Variants in ERBB3 observed in about 807,000 individuals in gnomAD.
ERBB3 encodes the protein receptor tyrosine-protein kinase erbB-3.
In ERBB3, 96 loss-of-function variants were observed where a neutral mutation model predicts 156.7. That is an observed-to-expected ratio of 0.61 (90% CI 0.52 to 0.73). The LOEUF (loss-of-function observed/expected upper bound fraction) is 0.73, where lower values mean the gene tolerates loss of function less well. Among genes scored for constraint, ERBB3 ranks in the 30% least tolerant of loss-of-function variants. The probability of loss-of-function intolerance (pLI) is 0.00; values close to 1 mark genes in which losing one functional copy is unlikely to be tolerated. For synonymous variants in ERBB3, 567 were observed against 632.0 expected (o/e 0.90, Z 1.54); for missense variants, 1,406 against 1,709.4 (o/e 0.82, Z 3.13).
At chr12:56,100,799 A>G (rs985732234) in intron 26 of ERBB3, among the ~76,000 whole-genome samples, 15 of 151,168 alleles carry the variant, frequency 9.9e-5, no homozygotes, top group Non-Finnish European at 2.2e-4. Context: ...AACTAGCTGC[A>G]CATGATGGCA....
At chr12:56,097,731 C>T (rs1370330400) in intron 20 of ERBB3, 54 bp from the exon 21 acceptor site, 13 of 1,561,094 alleles carry the variant, frequency 8.3e-6, no homozygotes, top group Non-Finnish European at 1.1e-5. Flanking sequence ...AATTCCAGAT[C>T]TCAGTGACTG....
chr12:56,083,947 TC>T, intron 2 of ERBB3, 45 bp downstream of exon 2: 1 of 1,589,150 alleles, frequency 6.3e-7, no homozygotes, highest in Non-Finnish European at 8.6e-7. Context: ...CTCTTTATTC[TC>T]CCCTAGAACC....
chr12:56,101,144 G>A lies in ERBB3; in HGVS notation c.3285G>A (p.Glu1095=). The A allele has an allele frequency of 6.2e-7, 1 of 1,613,964 alleles. No individual in the cohort carries two copies. The highest frequency in any genetic ancestry group is 1.1e-5 in the South Asian group (1 of 91,082). Residue 1095 remains glutamate, a synonymous_variant, in exon 27 of 28, where the codon GAG becomes GAA. Transcript: ENST00000267101. ...TGCCACGGGGATGCCTGGCATCAGA[G>A]TCATCAGAGGGGCATGTAACAGGCT... ...HPMPRGCLAS[E]SSEGHVTGSE...
At chr12:56,084,032 A>G in intron 2 of ERBB3, 130 bp downstream of exon 2, 1 of 935,050 alleles carries the variant, frequency 1.1e-6, no homozygotes, top group Non-Finnish European at 1.7e-6. Flanking sequence ...AAGATTCAAA[A>G]CCGTGTATTT....
chr12:56,092,687 T>G (rs1868752928), intron 9 of ERBB3, 60 bp from the exon 10 acceptor site: 1 of 1,139,414 alleles, frequency 8.8e-7, no homozygotes, highest in African/African-American at 1.5e-5. Flanking sequence ...AGGCTGGGTG[T>G]GCTCATTGCC....
At position 56,102,806 on chromosome 12, in the gene ERBB3, T is replaced by TAAAAAAAA. The variant is rs4016497; in HGVS notation, c.*772_*779dup. On this transcript the variant is annotated 3_prime_UTR_variant, in exon 28 of 28. Transcript: ENST00000267101. ...CAACATAGTAAGACCCCCATCTCTTTAAAAAAAAAAAAAAAAAAAAAAAAA... is the reference window on the plus strand; with the variant it reads ...CAACATAGTAAGACCCCCATCTCTTTAAAAAAAAAAAAAAAAAAAAAAAAAAAAAAAAA... 2.7e-4 allele frequency: 15 copies of TAAAAAAAA among 56,110 alleles called. No homozygotes were observed. Among genetic ancestry groups the TAAAAAAAA allele is most frequent in the East Asian group, 8.1e-4 (3 of 3,710 alleles). 3.5% of individuals were successfully genotyped at this position (56,110 alleles called of 1,614,324 possible).
rs145873700 is a variant in ERBB3 at position 56,088,731 on chromosome 12, C to G, written c.989-17C>G. 1 of 1,614,138 alleles carries G rather than the reference C, an allele frequency of 6.2e-7. No homozygotes were observed. The stretch of plus-strand genomic sequence containing the variant: ...CCTGCGCAGACCACCCCCACTGAAC[C>G]TCTCTTACATTTGCAGCCTGTGAGG... On this transcript the variant is annotated splice_polypyrimidine_tract_variant and intron_variant, in intron 8 of 27. Coordinates refer to ENST00000267101, the MANE Select transcript of ERBB3 (RefSeq NM_001982.4).
In ERBB3 at chr12:56,100,634, C is replaced by A. The variant is rs1476702636; in HGVS notation, c.3201+389C>A. ...TCCAGCCTGGGTGACAGAGCAAGACCCTGTCTCTTAAAAAAAAAAAAAAAA... is the reference window on the plus strand; with the variant it reads ...TCCAGCCTGGGTGACAGAGCAAGACACTGTCTCTTAAAAAAAAAAAAAAAA... On this transcript the variant is annotated intron_variant, in intron 26 of 27. Coordinates refer to ENST00000267101, the MANE Select transcript of ERBB3 (RefSeq NM_001982.4). 2.3e-5 allele frequency among the ~76,000 whole-genome samples: 3 copies of A among 128,232 alleles called. No individual in the cohort carries two copies. The East Asian group carries it at 7.0e-4, about 30-fold the overall frequency. The allele number at this position is 128,232 out of a possible 152,430, so 84.1% of individuals were successfully genotyped here.
chr12:56,101,274 C>T lies in ERBB3; in HGVS notation c.3415C>T (p.Leu1139=), dbSNP rs1869090802. 1.2e-6 allele frequency: 2 copies of T among 1,614,072 alleles called. No homozygotes were observed. The highest frequency in any genetic ancestry group is 1.3e-5 in the African/African-American group (1 of 74,922). Residue 1139 remains leucine, a synonymous_variant, in exon 27 of 28, where the codon CTG becomes TTG. Transcript: ENST00000267101. ...CGCCTACCATTCCCAGCGCCACAGT[C>T]TGCTGACTCCTGTTACCCCACTCTC... ...DSAYHSQRHS[L]LTPVTPLSPP... is the part of the protein sequence containing the mutation.
rs897914694 is a variant in ERBB3 at position 56,102,526 on chromosome 12, GAAGA to G, written c.*476_*479del. On this transcript the variant is annotated 3_prime_UTR_variant, in exon 28 of 28. Transcript: ENST00000267101. Reference sequence around the variant, plus strand: ...AGAAAGACAGAAGCTTAAAATCTGTGAAGAAAGAGGTTAGGAGTAGATATTGATT... The same window carrying G: ...AGAAAGACAGAAGCTTAAAATCTGTGAAGAGGTTAGGAGTAGATATTGATT... The G allele has an allele frequency of 4.1e-6, 1 of 244,664 alleles. No individual in the cohort carries two copies. The allele number at this position is 244,664 out of a possible 1,614,324, so 15.2% of individuals were successfully genotyped here. A position where few individuals can be genotyped will look rare whatever the true frequency, so the allele number is the denominator to read the frequency against.
chr12:56,099,251 C>G (rs1172457879), intron 23 of ERBB3, among the ~76,000 whole-genome samples: 1 of 151,134 alleles, frequency 6.6e-6, no homozygotes, highest in African/African-American at 2.4e-5. Context: ...CCATCATGCT[C>G]GGCCTGACTG....
At chr12:56,085,278 C>CA in intron 3 of ERBB3, 97 bp downstream of exon 3, 1 of 1,601,700 alleles carries the variant, frequency 6.2e-7, no homozygotes, top group Non-Finnish European at 8.5e-7. Context: ...CTAAGTGCCT[C>CA]TTCCAAGGTG....
At chr12:56,089,780 C>G (rs911685958) in intron 9 of ERBB3, among the ~76,000 whole-genome samples, 1 of 151,836 alleles carries the variant, frequency 6.6e-6, no homozygotes, top group Admixed American at 6.6e-5. Context: ...ATTCTGTCTC[C>G]CCATGACTTT....
At chr12:56,088,205 TC>T in intron 7 of ERBB3, 43 bp downstream of exon 7, 1 of 1,608,330 alleles carries the variant, frequency 6.2e-7, no homozygotes. Context: ...CAATAGTAGA[TC>T]CAAGATTTTA....
chr12:56,083,682 T>G, intron 1 of ERBB3, 69 bp from the exon 2 acceptor site: 1 of 1,587,304 alleles, frequency 6.3e-7, no homozygotes, highest in Admixed American at 1.7e-5. Context: ...GGGGGTGATC[T>G]TTGGGGATGG....
chr12:56,098,262 AT>A, intron 21 of ERBB3: 8 of 475,370 alleles, frequency 1.7e-5, no homozygotes, highest in Non-Finnish European at 2.2e-5. Context: ...AAAAAAAAAA[AT>A]TAGCCAGGCG....
chr12:56,098,399 G>C (rs1027747751), intron 21 of ERBB3, 101 bp from the exon 22 acceptor site: 1 of 913,196 alleles, frequency 1.1e-6, no homozygotes, highest in African/African-American at 1.7e-5. Context: ...GCGACAGAGC[G>C]AGACTCCGTC....
intron 9 of ERBB3, among the ~76,000 whole-genome samples, chr12:56,091,624 C>T (rs1188650420): frequency 4.0e-5 from 6 of 151,558 alleles, no homozygotes; most frequent in South Asian, 4.2e-4. Context: ...AGGCATGCGC[C>T]GCTGCCAGGC....
At chr12:56,086,289 C>T (rs1236137384) in intron 3 of ERBB3, among the ~76,000 whole-genome samples, 1 of 152,088 alleles carries the variant, frequency 6.6e-6, no homozygotes, top group East Asian at 1.9e-4. Context: ...TCCCTCTCTC[C>T]CTTCCCCTCC....
Sources: gnomAD v4.1 joint callset for allele counts (sites outside exome capture counted in the v4.1 genomes callset) on GRCh38, gnomAD v4.1.1 for gene constraint, MANE v1.5 for transcripts, NCBI Gene and HGNC (gene_info 2026-07-23, HGNC 2026-07-21) for gene names.